The following NPIPB6 variants were observed in gnomAD, a reference collection of about 807,000 sequenced individuals.
The protein encoded by NPIPB6 is nuclear pore complex interacting protein family member B6.
Under a neutral mutation model 20.0 loss-of-function variants are expected in NPIPB6, and 2 were observed. The ratio of observed to expected loss-of-function variants is 0.10; its 90% confidence interval spans 0.04 to 0.31. The LOEUF is 0.31. Ranked by LOEUF, NPIPB6 falls within the 10% of genes least tolerant of loss-of-function variation. The probability of loss-of-function intolerance (pLI) is 1.00; values close to 1 mark genes in which losing one functional copy is unlikely to be tolerated. For synonymous variants in NPIPB6, 35 were observed against 116.3 expected (o/e 0.30, Z 4.50); for missense variants, 96 against 293.7 (o/e 0.33, Z 4.92).
chr16:28,355,373 T>C (rs1465961190), intron 1 of NPIPB6, among the ~76,000 whole-genome samples: 4 of 139,428 alleles, frequency 2.9e-5, no homozygotes, highest in African/African-American at 8.2e-5. Context: ...CACGCATCTG[T>C]ATACGCGAAA....
Position 28,350,342 on chromosome 16 carries a change from GCTCT to G in NPIPB6, c.304-1105_304-1102del, listed in dbSNP as rs1458497864. Among the ~76,000 whole-genome samples the G allele has an allele frequency of 6.9e-5, 6 of 86,682 alleles. 1 individual carries two copies. The highest frequency in any genetic ancestry group is 1.5e-4 in the Non-Finnish European group (6 of 39,694). 56.9% of individuals were successfully genotyped at this position (86,682 alleles called of 152,430 possible). ...CTTGAAAAGGAAGTAATTACCTTCA[GCTCT>G]CTGAGTTCTAGAATTTGTAACATTT... On this transcript the variant is annotated intron_variant, in intron 2 of 6. Transcript: ENST00000532254.
At chr16:28,360,472 T>C (rs1230902069) in intron 1 of NPIPB6, among the ~76,000 whole-genome samples, 3 of 128,394 alleles carry the variant, frequency 2.3e-5, no homozygotes, top group Non-Finnish European at 5.3e-5. Context: ...ATGCTGGTGA[T>C]GATTTTGTGC....
In NPIPB6 at chr16:28,346,178, G is replaced by A; in HGVS notation, c.600-1425C>T. On this transcript the variant is annotated intron_variant, in intron 4 of 6. Transcript: ENST00000532254. ...TAAAAGCTTCTATGAGGTGCACTATGTGTGTCTCTGGGGTCAATCTTGTGC... is the reference window on the plus strand; with the variant it reads ...TAAAAGCTTCTATGAGGTGCACTATATGTGTCTCTGGGGTCAATCTTGTGC... The A allele has an allele frequency of 3.7e-6, 3 of 808,806 alleles. 1 individual carries two copies. The highest frequency in any genetic ancestry group is 4.4e-6 in the Non-Finnish European group (3 of 682,912). The allele number at this position is 808,806 out of a possible 1,614,324, so 50.1% of individuals were successfully genotyped here. A position where few individuals can be genotyped will look rare whatever the true frequency, so the allele number is the denominator to read the frequency against.
At chr16:28,346,404 C>T (rs1283623797) in intron 4 of NPIPB6, among the ~76,000 whole-genome samples, 6 of 116,408 alleles carry the variant, frequency 5.2e-5, no homozygotes, top group African/African-American at 1.2e-4. Context: ...TCATTAACCC[C>T]GCAGTTCACT....
chr16:28,348,510 G>T (rs1454314105), intron 4 of NPIPB6, among the ~76,000 whole-genome samples: 1 of 103,786 alleles, frequency 9.6e-6, no homozygotes, highest in South Asian at 2.8e-4. Flanking sequence ...AAGCCAAAAG[G>T]CAGTGAGCTG....
At chr16:28,351,662 A>T (rs1286149783) in intron 2 of NPIPB6, among the ~76,000 whole-genome samples, 1 of 122,258 alleles carries the variant, frequency 8.2e-6, no homozygotes, top group Admixed American at 8.2e-5. Flanking sequence ...GAAAAGAAAA[A>T]AAAAAAAAAA....
At chr16:28,360,482 C>G (rs1483479645) in intron 1 of NPIPB6, among the ~76,000 whole-genome samples, 1 of 127,034 alleles carries the variant, frequency 7.9e-6, no homozygotes, top group African/African-American at 2.7e-5. Context: ...TGATTTTGTG[C>G]GGCTCTGGGA....
At chr16:28,361,895 G>A (rs2045448356) in intron 1 of NPIPB6, among the ~76,000 whole-genome samples, 1 of 151,170 alleles carries the variant, frequency 6.6e-6, no homozygotes, top group Middle Eastern at 3.4e-3. Flanking sequence ...TGGACTTTTT[G>A]TAGACTGCAC....
At chr16:28,348,297 A>C (rs1250203049) in intron 4 of NPIPB6, among the ~76,000 whole-genome samples, 1 of 109,620 alleles carries the variant, frequency 9.1e-6, no homozygotes, top group South Asian at 2.7e-4. Flanking sequence ...AAAAAAAAAA[A>C]GGCTGGGTGT....
At chr16:28,362,046 TAAA>T (rs2045453168) in intron 1 of NPIPB6, among the ~76,000 whole-genome samples, 1 of 145,704 alleles carries the variant, frequency 6.9e-6, no homozygotes, top group Non-Finnish European at 1.5e-5. Context: ...TGAGTCATGT[TAAA>T]AAGTAGTTTA....
Position 28,360,465 on chromosome 16 carries a change from C to T in NPIPB6, c.120+2238G>A, listed in dbSNP as rs201755771. 1.3e-3 allele frequency among the ~76,000 whole-genome samples: 172 copies of T among 127,970 alleles called. 1 individual carries two copies. The East Asian group carries it at 0.019, about 14-fold the overall frequency. 84.0% of individuals were successfully genotyped at this position (127,970 alleles called of 152,430 possible). On this transcript the variant is annotated intron_variant, in intron 1 of 6. Coordinates refer to ENST00000532254, the Ensembl canonical transcript of NPIPB6. ...CTGAAGTCTACTCTGTTTCATCATG[C>T]TGGTGATGATTTTGTGCGGCTCTGG...
At chr16:28,361,716 G>GTC (rs1166408037) in intron 1 of NPIPB6, among the ~76,000 whole-genome samples, 134 of 143,616 alleles carry the variant, frequency 9.3e-4, no homozygotes, top group African/African-American at 3.1e-3. Flanking sequence ...GTGAAACTCT[G>GTC]TCTCTCTCTC....
At chr16:28,349,551 A>T (rs1218558573) in intron 2 of NPIPB6, among the ~76,000 whole-genome samples, 4 of 69,410 alleles carry the variant, frequency 5.8e-5, no homozygotes, top group Admixed American at 1.8e-4. Context: ...ACTCTGTCAC[A>T]CACACACACA....
chr16:28,350,263 A>G, intron 2 of NPIPB6, among the ~76,000 whole-genome samples: 1 of 101,916 alleles, frequency 9.8e-6, no homozygotes, highest in South Asian at 3.1e-4. Flanking sequence ...CAACACGGTT[A>G]GATGGTAATT....
chr16:28,349,967 G>C (rs1473683935), intron 2 of NPIPB6, among the ~76,000 whole-genome samples: 2 of 104,612 alleles, frequency 1.9e-5, no homozygotes, highest in Non-Finnish European at 4.3e-5. Flanking sequence ...GGGAGGCTGA[G>C]GCGGGTGAAT....
chr16:28,351,393 C>T (rs1184679996), intron 2 of NPIPB6, among the ~76,000 whole-genome samples: 3 of 42,258 alleles, frequency 7.1e-5, no homozygotes, highest in African/African-American at 1.9e-4. Context: ...CGCTTGTAAT[C>T]CCAGCACTTT....
intron 1 of NPIPB6, among the ~76,000 whole-genome samples, chr16:28,359,096 A>G (rs2045371567): frequency 1.4e-5 from 2 of 145,038 alleles, no homozygotes; most frequent in South Asian, 2.2e-4. Context: ...CAAAAAGAAA[A>G]AAAAAAAAAA....
At chr16:28,361,934 A>T (rs1373078689) in intron 1 of NPIPB6, among the ~76,000 whole-genome samples, 10 of 151,092 alleles carry the variant, frequency 6.6e-5, no homozygotes, top group African/African-American at 2.2e-4. Context: ...GAAGGAGAAT[A>T]AAAAATATGT....
chr16:28,361,056 G>A (rs1164551149), intron 1 of NPIPB6, among the ~76,000 whole-genome samples: 22 of 27,794 alleles, frequency 7.9e-4, no homozygotes, highest in Middle Eastern at 0.012. Context: ...TCAGACACAC[G>A]TAGGTTTCAG....
Sources: allele counts gnomAD v4.1 joint callset (sites outside exome capture counted in the v4.1 genomes callset), GRCh38; gene constraint gnomAD v4.1.1; transcripts MANE v1.5; gene names NCBI Gene and HGNC (gene_info 2026-07-23, HGNC 2026-07-21).